RALA: variants seen among roughly 807,000 people sequenced by gnomAD.
RALA encodes ras-related protein Ral-A.
A neutral mutation model predicts 24.0 loss-of-function variants in RALA; 5 were observed. That is an observed-to-expected ratio of 0.21 (90% CI 0.11 to 0.44). The LOEUF is 0.44. Among genes scored for constraint, RALA ranks in the 20% least tolerant of loss-of-function variants. The pLI is 0.99. For missense variants in RALA, 95 were observed against 241.2 expected, an observed-to-expected ratio of 0.39 and a Z score of 4.01; for synonymous variants, 77 against 83.8, an observed-to-expected ratio of 0.92 and a Z score of 0.44.
At chr7:39,662,835 C>G (rs1792216356) in intron 1 of RALA, among the ~76,000 whole-genome samples, 1 of 152,190 alleles carries the variant, frequency 6.6e-6, no homozygotes, top group South Asian at 2.1e-4. Flanking sequence ...CAGCACCCCA[C>G]TCTACCAGTA....
intron 1 of RALA, among the ~76,000 whole-genome samples, chr7:39,683,227 A>C (rs940658484): frequency 5.9e-5 from 9 of 152,220 alleles, no homozygotes; most frequent in Non-Finnish European, 1.0e-4. Flanking sequence ...AACAGGAAAC[A>C]GACTGACACT....
intron 1 of RALA, among the ~76,000 whole-genome samples, chr7:39,637,344 G>A (rs1458378514): frequency 6.6e-6 from 1 of 152,080 alleles, no homozygotes; most frequent in Non-Finnish European, 1.5e-5. Context: ...TTTATTATCA[G>A]CCAAGAGATA....
chr7:39,649,426 T>C (rs997001181), intron 1 of RALA, among the ~76,000 whole-genome samples: 1 of 152,192 alleles, frequency 6.6e-6, no homozygotes, highest in African/African-American at 2.4e-5. Context: ...ATGGTGCCAA[T>C]AGGAGGTGAT....
chr7:39,660,621 T>C (rs1208948366), intron 1 of RALA, among the ~76,000 whole-genome samples: 1 of 152,198 alleles, frequency 6.6e-6, no homozygotes, highest in Non-Finnish European at 1.5e-5. Context: ...TAATCTAATA[T>C]TGCATTTTTG....
chr7:39,681,829 G>T (rs1197316685), intron 1 of RALA, among the ~76,000 whole-genome samples: 1 of 152,042 alleles, frequency 6.6e-6, no homozygotes, highest in Non-Finnish European at 1.5e-5. Context: ...AGTTTTTCTT[G>T]TTCAACTCTA....
At chr7:39,706,008 A>C in intron 4 of RALA, 115 bp from the exon 5 acceptor site, 1 of 914,154 alleles carries the variant, frequency 1.1e-6, no homozygotes, top group Non-Finnish European at 1.6e-6. Flanking sequence ...ACTCCCAAAC[A>C]AGAGCTCTTA....
intron 1 of RALA, among the ~76,000 whole-genome samples, chr7:39,647,880 A>T (rs1162268253): frequency 6.6e-6 from 1 of 152,200 alleles, no homozygotes; most frequent in Non-Finnish European, 1.5e-5. Context: ...TTAAAGAAAG[A>T]ATGAAAATTT....
intron 3 of RALA, among the ~76,000 whole-genome samples, chr7:39,693,143 C>G (rs1792853311): frequency 6.6e-6 from 1 of 152,044 alleles, no homozygotes. Context: ...GCACTACTCA[C>G]AATAGTAAAG....
intron 3 of RALA, among the ~76,000 whole-genome samples, chr7:39,693,444 G>A (rs1405362810): frequency 1.3e-5 from 2 of 152,202 alleles, no homozygotes; most frequent in Non-Finnish European, 2.9e-5. Context: ...GGGAGGGATA[G>A]CATTAGGAGA....
At chr7:39,691,549 A>C (rs573115805) in intron 3 of RALA, among the ~76,000 whole-genome samples, 5 of 152,344 alleles carry the variant, frequency 3.3e-5, no homozygotes, top group Non-Finnish European at 7.3e-5. Flanking sequence ...AGCTTGAAGA[A>C]AAGAAGGATT....
intron 1 of RALA, among the ~76,000 whole-genome samples, chr7:39,629,217 A>G (rs1369294932): frequency 2.6e-5 from 4 of 152,174 alleles, no homozygotes; most frequent in Non-Finnish European, 1.5e-5. Context: ...ATGAGAGTAG[A>G]GTGCTTATTT....
intron 1 of RALA, among the ~76,000 whole-genome samples, chr7:39,635,919 C>T (rs1190838567): frequency 6.6e-6 from 1 of 152,260 alleles, no homozygotes; most frequent in East Asian, 1.9e-4. Flanking sequence ...ACAGACTTGC[C>T]TATTCCAGAT....
intron 1 of RALA, among the ~76,000 whole-genome samples, chr7:39,661,264 G>A (rs1305635574): frequency 1.3e-5 from 2 of 152,136 alleles, no homozygotes; most frequent in Non-Finnish European, 2.9e-5. Flanking sequence ...ATGTCATTCT[G>A]CCCCTGGCCC....
intron 1 of RALA, among the ~76,000 whole-genome samples, chr7:39,665,476 G>T (rs923849076): frequency 6.6e-6 from 1 of 152,010 alleles, no homozygotes; most frequent in Non-Finnish European, 1.5e-5. Flanking sequence ...TTGGATTTTC[G>T]ACTGCACACA....
intron 1 of RALA, among the ~76,000 whole-genome samples, chr7:39,663,390 C>T (rs949025209): frequency 6.6e-6 from 1 of 152,186 alleles, no homozygotes; most frequent in Non-Finnish European, 1.5e-5. Context: ...CTAATTATCT[C>T]TGTGTGAGCA....
chr7:39,652,320 A>G (rs1042366826), intron 1 of RALA, among the ~76,000 whole-genome samples: 5 of 152,352 alleles, frequency 3.3e-5, no homozygotes, highest in African/African-American at 9.6e-5. Context: ...AGTTGGGACA[A>G]ACATTCAAAC....
intron 1 of RALA, among the ~76,000 whole-genome samples, chr7:39,663,715 A>G (rs553301424): frequency 2.0e-5 from 3 of 152,142 alleles, no homozygotes; most frequent in South Asian, 2.1e-4. Flanking sequence ...TGCAAAATAC[A>G]TTTTTATCAA....
At chr7:39,703,817 C>G (rs1338225148) in intron 4 of RALA, among the ~76,000 whole-genome samples, 9 of 152,100 alleles carry the variant, frequency 5.9e-5, no homozygotes, top group Admixed American at 5.9e-4. Flanking sequence ...TAATTCCTCC[C>G]TTGCATTAAT....
chr7:39,674,005 C>T (rs1048310649), intron 1 of RALA, among the ~76,000 whole-genome samples: 6 of 150,614 alleles, frequency 4.0e-5, no homozygotes, highest in Non-Finnish European at 8.9e-5. Flanking sequence ...AGAAAATTAG[C>T]CTGGAAGTAA....
Sources: allele counts gnomAD v4.1 joint callset (sites outside exome capture counted in the v4.1 genomes callset), GRCh38; gene constraint gnomAD v4.1.1; transcripts MANE v1.5; gene names NCBI Gene and HGNC (gene_info 2026-07-23, HGNC 2026-07-21).